Variants in TLL2 observed in about 807,000 individuals in gnomAD.
TLL2 encodes the protein tolloid-like protein 2.
TLL2 carries 106 observed loss-of-function variants against 123.0 expected under a neutral mutation model. That is an observed-to-expected ratio of 0.86 (90% confidence interval 0.74 to 1.01). The LOEUF is 1.01. Ranked by LOEUF, TLL2 falls within the 50% of genes least tolerant of loss-of-function variation. TLL2 has a pLI of 0.00. For synonymous variants in TLL2, 494 were observed against 516.8 expected (o/e 0.96, Z 0.60); for missense variants, 1,332 against 1,336.7 (o/e 1.00, Z 0.06).
chr10:96,483,791 A>G lies in TLL2; in HGVS notation c.176-3332T>C, dbSNP rs1589434027. Among the ~76,000 whole-genome samples, 4 of 152,146 alleles carry G rather than the reference A, an allele frequency of 2.6e-5. No homozygotes were observed. In the South Asian group the frequency reaches 8.3e-4, roughly 32 times the overall value. On this transcript the variant is annotated intron_variant, in intron 1 of 20. Coordinates refer to ENST00000357947, the MANE Select transcript of TLL2 (RefSeq NM_012465.4). ...ATCATTTTTGCTGCTTCTCCTGGGT[A>G]CAAATTATACTTCCCCCTCTCTCAG... is the stretch of plus-strand genomic sequence containing the variant.
intron 1 of TLL2, among the ~76,000 whole-genome samples, chr10:96,492,224 GAA>G (rs562491354): frequency 7.5e-5 from 10 of 132,944 alleles, no homozygotes; most frequent in East Asian, 2.2e-4. Context: ...GAAGGGAGAG[GAA>G]AAAAAAAAAA....
chr10:96,461,260 G>A (rs377085477), intron 2 of TLL2, among the ~76,000 whole-genome samples: 1 of 152,174 alleles, frequency 6.6e-6, no homozygotes, highest in South Asian at 2.1e-4. Context: ...TAGGCACTGG[G>A]AATGCACCAA....
chr10:96,380,690 CT>C (rs1344177493), intron 16 of TLL2, among the ~76,000 whole-genome samples: 1 of 33,780 alleles, frequency 3.0e-5, no homozygotes, highest in Non-Finnish European at 4.6e-5. Flanking sequence ...GAGACTCTAT[CT>C]CAAAAAAAAA....
intron 1 of TLL2, among the ~76,000 whole-genome samples, chr10:96,509,272 A>T (rs1847604297): frequency 6.6e-6 from 1 of 152,174 alleles, no homozygotes; most frequent in South Asian, 2.1e-4. Flanking sequence ...TCTTTTCTAC[A>T]TTCCTAATCA....
intron 15 of TLL2, among the ~76,000 whole-genome samples, chr10:96,384,969 G>C (rs1846219960): frequency 6.6e-6 from 1 of 152,238 alleles, no homozygotes; most frequent in African/African-American, 2.4e-5. Flanking sequence ...GGCTCTGTGG[G>C]GGTGCCATCG....
chr10:96,448,142 C>A (rs999524434), intron 2 of TLL2, among the ~76,000 whole-genome samples: 1 of 152,192 alleles, frequency 6.6e-6, no homozygotes, highest in Non-Finnish European at 1.5e-5. Flanking sequence ...TACAGCCAGG[C>A]GGAGATGGGA....
chr10:96,434,642 A>G (rs1015925584), intron 3 of TLL2, among the ~76,000 whole-genome samples: 4 of 152,204 alleles, frequency 2.6e-5, no homozygotes, highest in Non-Finnish European at 5.9e-5. Flanking sequence ...TAACGCTTCT[A>G]TGAACATTCA....
chr10:96,502,521 G>A (rs932152302), intron 1 of TLL2, among the ~76,000 whole-genome samples: 2 of 152,244 alleles, frequency 1.3e-5, no homozygotes, highest in South Asian at 2.1e-4. Flanking sequence ...TGTGTTGGGC[G>A]GGGTGAGAAG....
intron 1 of TLL2, among the ~76,000 whole-genome samples, chr10:96,500,591 C>T (rs1000167485): frequency 3.9e-5 from 6 of 152,132 alleles, no homozygotes; most frequent in African/African-American, 1.2e-4. Context: ...GTCAGGAGCT[C>T]GGGACCAGCC....
At chr10:96,404,361 C>T (rs1375797416) in intron 10 of TLL2, among the ~76,000 whole-genome samples, 2 of 151,974 alleles carry the variant, frequency 1.3e-5, no homozygotes, top group Non-Finnish European at 2.9e-5. Context: ...GAGTTCATGC[C>T]CTGTTCATCT....
At chr10:96,440,811 T>C (rs1220039686) in intron 3 of TLL2, among the ~76,000 whole-genome samples, 1 of 152,240 alleles carries the variant, frequency 6.6e-6, no homozygotes, top group Non-Finnish European at 1.5e-5. Context: ...TGCTAAGGAC[T>C]CAACACAGGA....
At position 96,504,347 on chromosome 10, in the gene TLL2, G is replaced by C. The variant is rs532026257; in HGVS notation, c.175+9164C>G. 2.0e-5 allele frequency among the ~76,000 whole-genome samples: 3 copies of C among 152,218 alleles called. No individual in the cohort carries two copies. The East Asian group carries it at 5.8e-4, about 29-fold the overall frequency. ...GGGTATAGCTGGGCATGGTAGCTCA[G>C]GCCTGTAATCACAGCACTTTGGGTG... On this transcript the variant is annotated intron_variant, in intron 1 of 20. Coordinates refer to ENST00000357947, the MANE Select transcript of TLL2 (RefSeq NM_012465.4).
chr10:96,374,762 A>G (rs1234629018), intron 18 of TLL2, among the ~76,000 whole-genome samples: 2 of 152,110 alleles, frequency 1.3e-5, no homozygotes, highest in East Asian at 3.9e-4. Context: ...TGTTCCCCCT[A>G]AGGACTGTCC....
intron 16 of TLL2, among the ~76,000 whole-genome samples, chr10:96,383,396 G>C (rs917080966): frequency 7.9e-5 from 12 of 152,110 alleles, no homozygotes; most frequent in Admixed American, 7.9e-4. Flanking sequence ...AACCCGGTGG[G>C]AGAGAATTGA....
intron 2 of TLL2, among the ~76,000 whole-genome samples, chr10:96,476,385 A>G (rs1337893014): frequency 1.3e-5 from 2 of 150,380 alleles, no homozygotes; most frequent in African/African-American, 4.9e-5. Context: ...CTCAGCCTCC[A>G]AAGTAGCTGG....
chr10:96,497,662 C>T (rs953380900), intron 1 of TLL2, among the ~76,000 whole-genome samples: 7 of 152,246 alleles, frequency 4.6e-5, no homozygotes. Flanking sequence ...TCCCCTGCCC[C>T]TCACCACAGG....
At chr10:96,448,770 CG>C (rs986249743) in intron 2 of TLL2, among the ~76,000 whole-genome samples, 1 of 151,634 alleles carries the variant, frequency 6.6e-6, no homozygotes, top group Non-Finnish European at 1.5e-5. Flanking sequence ...TGTGCTTGGC[CG>C]GGGGGAGGTG....
At chr10:96,404,830 C>G (rs935379266) in intron 10 of TLL2, among the ~76,000 whole-genome samples, 1 of 152,072 alleles carries the variant, frequency 6.6e-6, no homozygotes, top group African/African-American at 2.4e-5. Flanking sequence ...CCATGAACAC[C>G]TTTCCATATC....
Position 96,386,199 on chromosome 10 carries a change from G to T in TLL2, c.1869C>A (p.Phe623Leu). ...TGATGGTTCCATTCAGCTTGGTAAT[G>T]AAACCGCCACAGGCCACTGCACGGG... ...KKMCEVACGG[F>L]ITKLNGTITS... Residue 623 changes from phenylalanine to leucine, a missense_variant, in exon 15 of 21, where the codon TTC (phenylalanine) becomes TTA (leucine). Coordinates refer to ENST00000357947, the MANE Select transcript of TLL2 (RefSeq NM_012465.4). 1 of 1,598,742 alleles carries T rather than the reference G, an allele frequency of 6.3e-7. No homozygotes were observed. Among genetic ancestry groups the T allele is most frequent in the South Asian group, 1.1e-5 (1 of 88,918 alleles).
Sources: allele counts gnomAD v4.1 joint callset (sites outside exome capture counted in the v4.1 genomes callset), GRCh38; gene constraint gnomAD v4.1.1; transcripts MANE v1.5; gene names NCBI Gene and HGNC (gene_info 2026-07-23, HGNC 2026-07-21).